ABTB3: variants seen among roughly 807,000 people sequenced by gnomAD.
The protein encoded by ABTB3 is ankyrin repeat and BTB domain containing 3.
At chr12:107,471,296 A>T in the ABTB3 span, among the ~76,000 whole-genome samples, 1 of 152,256 alleles carries the variant, frequency 6.6e-6, no homozygotes, top group Non-Finnish European at 1.5e-5. Context: ...CCACACAACC[A>T]GCAAGTGGTG....
At chr12:107,341,534 A>C in the ABTB3 span, among the ~76,000 whole-genome samples, 1 of 152,144 alleles carries the variant, frequency 6.6e-6, no homozygotes, top group Admixed American at 6.5e-5. Flanking sequence ...TATCAGACTT[A>C]ATAGTGACCC....
At chr12:107,552,708 C>G in the ABTB3 span, among the ~76,000 whole-genome samples, 4 of 152,200 alleles carry the variant, frequency 2.6e-5, no homozygotes, top group Non-Finnish European at 4.4e-5. Context: ...GAGCACATTT[C>G]TAGAGGCTTT....
chr12:107,396,792 T>C, the ABTB3 span, among the ~76,000 whole-genome samples: 2,575 of 152,306 alleles, frequency 0.017, 36 homozygotes, highest in South Asian at 0.029. Flanking sequence ...CCACTCACTG[T>C]GGACCTTCCT....
chr12:107,561,971 A>T, the ABTB3 span, among the ~76,000 whole-genome samples: 1 of 152,104 alleles, frequency 6.6e-6, no homozygotes, highest in Admixed American at 6.6e-5. Flanking sequence ...TCCTTCTCCC[A>T]TTAGACTTTG....
chr12:107,356,165 A>T, the ABTB3 span, among the ~76,000 whole-genome samples: 1 of 152,310 alleles, frequency 6.6e-6, no homozygotes, highest in Non-Finnish European at 1.5e-5. Flanking sequence ...ACTTGGGGGT[A>T]GGAAATGGCG....
the ABTB3 span, among the ~76,000 whole-genome samples, chr12:107,454,450 T>A: frequency 6.6e-6 from 1 of 152,228 alleles, no homozygotes; most frequent in African/African-American, 2.4e-5. Context: ...GGGGGGTTCA[T>A]CCAGGATCTC....
chr12:107,607,715 C>G, the ABTB3 span, among the ~76,000 whole-genome samples: 1 of 152,178 alleles, frequency 6.6e-6, no homozygotes, highest in South Asian at 2.1e-4. Context: ...CAGAAGCAAA[C>G]GCTTCATGTC....
chr12:107,545,110 A>G, the ABTB3 span, among the ~76,000 whole-genome samples: 1 of 152,322 alleles, frequency 6.6e-6, no homozygotes, highest in African/African-American at 2.4e-5. Context: ...AGCTCATTGG[A>G]TGCTCTGCTT....
the ABTB3 span, among the ~76,000 whole-genome samples, chr12:107,505,689 G>A: frequency 5.9e-5 from 9 of 151,656 alleles, no homozygotes; most frequent in South Asian, 8.3e-4. Context: ...TCCTCCCACC[G>A]TCCACTCTCC....
chr12:107,580,821 T>C, the ABTB3 span: 1 of 1,528,196 alleles, frequency 6.5e-7, no homozygotes, highest in Non-Finnish European at 8.8e-7. Flanking sequence ...GACTCATCCT[T>C]ATGTTCACAT....
the ABTB3 span, among the ~76,000 whole-genome samples, chr12:107,547,707 T>C: frequency 6.6e-6 from 1 of 152,348 alleles, no homozygotes; most frequent in East Asian, 1.9e-4. Flanking sequence ...GGAAGTCATA[T>C]AGTCCTTTAA....
chr12:107,337,559 C>G, the ABTB3 span, among the ~76,000 whole-genome samples: 801 of 152,320 alleles, frequency 5.3e-3, 1 homozygote, highest in Middle Eastern at 0.014. Context: ...GTCGGTGTTA[C>G]TAGTTCCACC....
chr12:107,355,544 C>T, the ABTB3 span, among the ~76,000 whole-genome samples: 3 of 152,192 alleles, frequency 2.0e-5, no homozygotes, highest in Non-Finnish European at 2.9e-5. Context: ...GCACTGCCAC[C>T]CTCATCCCCC....
the ABTB3 span, among the ~76,000 whole-genome samples, chr12:107,411,495 G>A: frequency 1.9e-4 from 29 of 152,222 alleles, no homozygotes; most frequent in African/African-American, 7.0e-4. Context: ...CTTAAACATT[G>A]CCAGAATTAA....
the ABTB3 span, among the ~76,000 whole-genome samples, chr12:107,595,064 C>A: frequency 6.6e-6 from 1 of 151,892 alleles, no homozygotes; most frequent in Non-Finnish European, 1.5e-5. Flanking sequence ...AAAAATCGCC[C>A]CTGGTTGAGA....
chr12:107,353,318 TG>T, the ABTB3 span, among the ~76,000 whole-genome samples: 1 of 151,566 alleles, frequency 6.6e-6, no homozygotes, highest in Non-Finnish European at 1.5e-5. Context: ...ACTAGTGGGG[TG>T]GTAATAAGTG....
the ABTB3 span, among the ~76,000 whole-genome samples, chr12:107,602,928 G>A: frequency 6.6e-6 from 1 of 152,142 alleles, no homozygotes; most frequent in Non-Finnish European, 1.5e-5. Flanking sequence ...TATCTCTCGG[G>A]GCTGGGGCAC....
chr12:107,407,479 C>T, the ABTB3 span, among the ~76,000 whole-genome samples: 4 of 152,208 alleles, frequency 2.6e-5, no homozygotes, highest in South Asian at 2.1e-4. Context: ...ATCTGCTCCA[C>T]GTGTGTCCAG....
chr12:107,519,617 C>T, the ABTB3 span, among the ~76,000 whole-genome samples: 4 of 152,130 alleles, frequency 2.6e-5, 1 homozygote, highest in Middle Eastern at 6.3e-3. Flanking sequence ...CACACCAGGC[C>T]TAGGGCATGT....
Sources: allele counts gnomAD v4.1 joint callset (sites outside exome capture counted in the v4.1 genomes callset), GRCh38; gene constraint gnomAD v4.1.1; transcripts MANE v1.5; gene names NCBI Gene and HGNC (gene_info 2026-07-23, HGNC 2026-07-21).